NCOR2: variants seen among roughly 807,000 people sequenced by gnomAD.
NCOR2 encodes the protein nuclear receptor corepressor 2.
NCOR2 carries 81 observed loss-of-function variants against 262.9 expected under a neutral mutation model. The ratio of observed to expected loss-of-function variants is 0.31; its 90% confidence interval spans 0.26 to 0.37. The LOEUF (loss-of-function observed/expected upper bound fraction) is 0.37. Ranked by LOEUF, NCOR2 falls within the 10% of genes least tolerant of loss-of-function variation. The pLI is 1.00. For missense variants in NCOR2, 3,385 were observed against 3,621.4 expected (o/e 0.93, Z 1.68); for synonymous variants, 1,659 against 1,559.3 (o/e 1.06, Z -1.51).
chr12:124,551,913 C>A (rs1316427330), intron 1 of NCOR2, among the ~76,000 whole-genome samples: 1 of 152,162 alleles, frequency 6.6e-6, no homozygotes, highest in Non-Finnish European at 1.5e-5. Context: ...GGAGACCCAG[C>A]CGGGAGAAAT....
exon 47 of NCOR2, chr12:124,325,347 C>T (rs1299373101): frequency 3.3e-5 from 37 of 1,132,158 alleles, no homozygotes; most frequent in South Asian, 2.9e-4. Flanking sequence ...CCTGCAGGGC[C>T]GTTCCTGTGG....
chr12:124,524,311 GACTC>G (rs1449634955), intron 1 of NCOR2, among the ~76,000 whole-genome samples: 4 of 152,168 alleles, frequency 2.6e-5, no homozygotes, highest in Admixed American at 1.3e-4. Context: ...GACCTGCACT[GACTC>G]ACTCACTCCT....
intron 26 of NCOR2, 48 bp downstream of exon 28, chr12:124,354,430 C>A: frequency 2.1e-6 from 3 of 1,434,946 alleles, no homozygotes; most frequent in East Asian, 2.5e-5. Context: ...TTTGGGCACC[C>A]GAGGAACAGG....
At chr12:124,534,178 T>C (rs964213098) in intron 1 of NCOR2, among the ~76,000 whole-genome samples, 4 of 152,182 alleles carry the variant, frequency 2.6e-5, no homozygotes, top group South Asian at 2.1e-4. Flanking sequence ...TGGTATTCTC[T>C]GGGCTTGGTG....
intron 17 of NCOR2, among the ~76,000 whole-genome samples, chr12:124,384,470 T>A (rs1593307082): frequency 1.3e-5 from 2 of 152,248 alleles, no homozygotes; most frequent in Admixed American, 1.3e-4. Flanking sequence ...GGGGCCTCCC[T>A]GAGGCCAGAG....
rs1258976612 is a variant in NCOR2 at position 124,565,611 on chromosome 12, G to A, written c.-165+1697C>T. 2.2e-4 allele frequency among the ~76,000 whole-genome samples: 32 copies of A among 148,812 alleles called. No individual in the cohort carries two copies. The Admixed American group carries it at 2.2e-3, about 10-fold the overall frequency. On this transcript the variant is annotated intron_variant, in intron 1 of 32. Coordinates refer to the NCOR2 transcript ENST00000458234. ...TTTCACAGGGCTTCCAGACCACGTTGGATTAAAGGCCCAATCTTAGAACCC... is the reference window on the plus strand; with the variant it reads ...TTTCACAGGGCTTCCAGACCACGTTAGATTAAAGGCCCAATCTTAGAACCC...
intron 22 of NCOR2, among the ~76,000 whole-genome samples, chr12:124,361,122 C>CAA (rs33951841): frequency 3.3e-4 from 41 of 122,492 alleles, no homozygotes; most frequent in African/African-American, 1.2e-3. Flanking sequence ...CCGTCTCAAA[C>CAA]AAAAAAAAAA....
At chr12:124,479,514 CAT>C (rs1456249994) in intron 3 of NCOR2, among the ~76,000 whole-genome samples, 6 of 151,820 alleles carry the variant, frequency 4.0e-5, no homozygotes, top group Middle Eastern at 3.4e-3. Context: ...TACACACGCA[CAT>C]GCGCGCACAC....
At chr12:124,354,891 G>A (rs764345636) in exon 25 of NCOR2, 3 of 1,612,182 alleles carry the variant, frequency 1.9e-6, no homozygotes, top group Middle Eastern at 1.7e-4. Flanking sequence ...GGGCCCACCG[G>A]GGCCTTGGCA....
intron 20 of NCOR2, among the ~76,000 whole-genome samples, chr12:124,366,871 A>G (rs552503697): frequency 6.6e-6 from 1 of 152,244 alleles, no homozygotes; most frequent in African/African-American, 2.4e-5. Context: ...ATATCTTAAT[A>G]ACGGTTACAA....
chr12:124,500,928 G>C (rs553477862), intron 1 of NCOR2, among the ~76,000 whole-genome samples: 1 of 152,238 alleles, frequency 6.6e-6, no homozygotes, highest in South Asian at 2.1e-4. Context: ...GCTCTGCGCC[G>C]CACGTGCCTG....
At chr12:124,547,716 C>T (rs1235485016) in intron 1 of NCOR2, among the ~76,000 whole-genome samples, 1 of 152,102 alleles carries the variant, frequency 6.6e-6, no homozygotes, top group Non-Finnish European at 1.5e-5. Context: ...TTTCTGTCTC[C>T]ATGGGTTTGC....
At chr12:124,537,657 G>T (rs1440896364), upstream of NCOR2, among the ~76,000 whole-genome samples, 4 of 152,156 alleles carry the variant, frequency 2.6e-5, no homozygotes, top group Admixed American at 2.6e-4. Flanking sequence ...ACTCCAGTGT[G>T]TGCCACTTCG....
intron 6 of NCOR2, among the ~76,000 whole-genome samples, chr12:124,456,357 C>T (rs906000220): frequency 2.6e-5 from 4 of 152,192 alleles, no homozygotes; most frequent in African/African-American, 7.2e-5. Context: ...GCAGGGGCTG[C>T]GGCCCATTCT....
At chr12:124,446,889 T>C (rs980813145) in intron 7 of NCOR2, among the ~76,000 whole-genome samples, 31 of 152,206 alleles carry the variant, frequency 2.0e-4, no homozygotes, top group African/African-American at 7.2e-4. Flanking sequence ...ATCTTAATTA[T>C]TCATCTATTT....
intron 1 of NCOR2, among the ~76,000 whole-genome samples, chr12:124,544,916 G>C (rs908196269): frequency 6.6e-6 from 1 of 152,140 alleles, no homozygotes; most frequent in South Asian, 2.1e-4. Context: ...AATTATATTA[G>C]GTGGCTAAAA....
upstream of NCOR2, chr12:124,538,618 G>C (rs1329336218): frequency 6.5e-6 from 1 of 152,852 alleles, no homozygotes; most frequent in Non-Finnish European, 1.5e-5. Context: ...GATGCATCTG[G>C]CCGTGGAGCG....
At chr12:124,410,568 C>T (rs553836932) in intron 13 of NCOR2, among the ~76,000 whole-genome samples, 1 of 152,242 alleles carries the variant, frequency 6.6e-6, no homozygotes, top group East Asian at 2.0e-4. Context: ...GTCGGCACCA[C>T]CGGAAGGCTG....
chr12:124,479,500 C>T (rs534807752), intron 3 of NCOR2, among the ~76,000 whole-genome samples: 4 of 151,760 alleles, frequency 2.6e-5, no homozygotes, highest in South Asian at 2.1e-4. Flanking sequence ...GGCACATGCG[C>T]GCATACACAC....
Sources: gnomAD v4.1 joint callset for allele counts (sites outside exome capture counted in the v4.1 genomes callset) on GRCh38, gnomAD v4.1.1 for gene constraint, MANE v1.5 for transcripts, NCBI Gene and HGNC (gene_info 2026-07-23, HGNC 2026-07-21) for gene names.